Variants in PCDH9 observed in about 807,000 individuals in gnomAD.
The protein encoded by PCDH9 is protocadherin-9.
PCDH9 carries 24 observed loss-of-function variants against 70.6 expected under a neutral mutation model. That is an observed-to-expected ratio of 0.34 (90% CI 0.25 to 0.48). The LOEUF (loss-of-function observed/expected upper bound fraction) is 0.48, where lower values mean the gene tolerates loss of function less well. PCDH9 is among the 20% of genes least tolerant of loss of function. The pLI, the probability that PCDH9 is intolerant of heterozygous loss-of-function variation, is 0.99. For missense variants in PCDH9, 1,281 were observed against 1,503.6 expected, an observed-to-expected ratio of 0.85 and a Z score of 2.45; for synonymous variants, 562 against 558.5, an observed-to-expected ratio of 1.01 and a Z score of -0.09.
chr13:66,311,502 G>A (rs1347276849), intron 4 of PCDH9, among the ~76,000 whole-genome samples: 1 of 151,940 alleles, frequency 6.6e-6, no homozygotes, highest in Non-Finnish European at 1.5e-5. Context: ...AGAAATGTCA[G>A]AGGCAAATTT....
At chr13:67,204,073 A>G (rs1014510815) in intron 2 of PCDH9, 2 of 152,164 alleles carry the variant, frequency 1.3e-5, no homozygotes, top group South Asian at 2.1e-4. Context: ...GAGTATGATT[A>G]CATATAAGGC....
chr13:66,996,075 G>A (rs1052928160), intron 2 of PCDH9: 2 of 152,168 alleles, frequency 1.3e-5, no homozygotes, highest in African/African-American at 2.4e-5. Flanking sequence ...TATTTAATGG[G>A]AAGATACAGT....
chr13:66,411,899 C>T (rs1377386647), intron 4 of PCDH9, among the ~76,000 whole-genome samples: 1 of 152,150 alleles, frequency 6.6e-6, no homozygotes, highest in African/African-American at 2.4e-5. Flanking sequence ...TGGGGGGCTG[C>T]TCCCATAGAA....
At chr13:67,148,346 A>T (rs995465810) in intron 2 of PCDH9, among the ~76,000 whole-genome samples, 3 of 152,004 alleles carry the variant, frequency 2.0e-5, no homozygotes, top group African/African-American at 7.2e-5. Flanking sequence ...ACAGTTAGGG[A>T]CCAATTATAG....
chr13:66,416,141 A>G (rs929723103), intron 4 of PCDH9, among the ~76,000 whole-genome samples: 2 of 152,086 alleles, frequency 1.3e-5, no homozygotes, highest in Non-Finnish European at 2.9e-5. Flanking sequence ...GGAGAAGGGA[A>G]TATGTTTTGT....
chr13:67,044,308 A>G (rs2085180859), intron 2 of PCDH9, among the ~76,000 whole-genome samples: 1 of 152,202 alleles, frequency 6.6e-6, no homozygotes, highest in Admixed American at 6.6e-5. Context: ...AGTAAGAAAT[A>G]TAACCTTACA....
At chr13:66,905,853 T>C (rs1414533269) in intron 2 of PCDH9, among the ~76,000 whole-genome samples, 1 of 152,168 alleles carries the variant, frequency 6.6e-6, no homozygotes, top group African/African-American at 2.4e-5. Flanking sequence ...TTCAGTGCCA[T>C]TTGCTGAAGG....
At chr13:67,129,589 A>G (rs965228476) in intron 2 of PCDH9, among the ~76,000 whole-genome samples, 2 of 151,762 alleles carry the variant, frequency 1.3e-5, no homozygotes, top group African/African-American at 4.8e-5. Context: ...TGCTAAGGGC[A>G]CAATCATATA....
chr13:66,824,335 A>G (rs948823811), intron 3 of PCDH9, among the ~76,000 whole-genome samples: 2 of 122,312 alleles, frequency 1.6e-5, no homozygotes, highest in African/African-American at 7.0e-5. Flanking sequence ...ATATATATAT[A>G]TATATATATA....
At chr13:66,313,127 GCTCT>G (rs1211292098) in intron 4 of PCDH9, among the ~76,000 whole-genome samples, 2 of 152,108 alleles carry the variant, frequency 1.3e-5, no homozygotes, top group Non-Finnish European at 2.9e-5. Context: ...AATTTTATGT[GCTCT>G]CTATTAGTAT....
intron 2 of PCDH9, among the ~76,000 whole-genome samples, chr13:67,120,306 AT>A (rs1224079583): frequency 6.6e-6 from 1 of 151,920 alleles, no homozygotes; most frequent in African/African-American, 2.4e-5. Flanking sequence ...TCTACATATA[AT>A]TTATAACCAA....
chr13:66,577,081 G>A (rs988410006), intron 4 of PCDH9, among the ~76,000 whole-genome samples: 5 of 151,666 alleles, frequency 3.3e-5, no homozygotes, highest in Non-Finnish European at 5.9e-5. Flanking sequence ...AAATAACCTG[G>A]TATTATACAA....
At chr13:66,684,167 T>C (rs146758461) in intron 3 of PCDH9, among the ~76,000 whole-genome samples, 1 of 152,140 alleles carries the variant, frequency 6.6e-6, no homozygotes, top group African/African-American at 2.4e-5. Flanking sequence ...TCCAAGAAAA[T>C]AAATGACAGT....
chr13:67,135,622 G>T (rs1336742583), intron 2 of PCDH9, among the ~76,000 whole-genome samples: 1 of 151,992 alleles, frequency 6.6e-6, no homozygotes, highest in Non-Finnish European at 1.5e-5. Context: ...AACAATTAGT[G>T]GTTTATAAAT....
At chr13:66,523,787 A>G (rs965561629) in intron 4 of PCDH9, among the ~76,000 whole-genome samples, 19 of 152,202 alleles carry the variant, frequency 1.2e-4, no homozygotes, top group African/African-American at 3.4e-4. Flanking sequence ...AGTAATTTCT[A>G]TGCAGACACA....
intron 3 of PCDH9, among the ~76,000 whole-genome samples, chr13:66,725,541 C>T (rs2078995482): frequency 6.6e-6 from 1 of 152,174 alleles, no homozygotes. Context: ...ATTGTTTAGA[C>T]TGTGATAGGT....
intron 4 of PCDH9, among the ~76,000 whole-genome samples, chr13:66,471,446 A>T (rs1430472102): frequency 1.3e-5 from 2 of 152,230 alleles, no homozygotes; most frequent in Non-Finnish European, 2.9e-5. Flanking sequence ...AGTTGAGAAT[A>T]ATGTTAATTT....
At chr13:66,450,332 T>C (rs1958180036) in intron 4 of PCDH9, among the ~76,000 whole-genome samples, 1 of 152,200 alleles carries the variant, frequency 6.6e-6, no homozygotes, top group Non-Finnish European at 1.5e-5. Context: ...GTCTATGCCA[T>C]TGAGAACCTT....
chr13:66,936,589 C>A (rs2082919465), intron 2 of PCDH9, among the ~76,000 whole-genome samples: 1 of 152,066 alleles, frequency 6.6e-6, no homozygotes, highest in African/African-American at 2.4e-5. Flanking sequence ...TGCGTGGAAA[C>A]AAAATCTCTT....
Sources: gnomAD v4.1 joint callset for allele counts (sites outside exome capture counted in the v4.1 genomes callset) on GRCh38, gnomAD v4.1.1 for gene constraint, MANE v1.5 for transcripts, NCBI Gene and HGNC (gene_info 2026-07-23, HGNC 2026-07-21) for gene names.